KIAA1217: variants seen among roughly 807,000 people sequenced by gnomAD.
KIAA1217 encodes the protein KIAA1217, also known as sickle tail protein homolog.
KIAA1217 carries 88 observed loss-of-function variants against 163.9 expected under a neutral mutation model. That is an observed-to-expected ratio of 0.54 (90% CI 0.45 to 0.64). KIAA1217 has a LOEUF of 0.64. KIAA1217 is among the 30% of genes least tolerant of loss of function. The probability of loss-of-function intolerance (pLI) is 0.00; values close to 1 mark genes in which losing one functional copy is unlikely to be tolerated. For missense variants in KIAA1217, 2,372 were observed against 2,475.0 expected (o/e 0.96, Z 0.88); for synonymous variants, 903 against 923.1 (o/e 0.98, Z 0.39).
intron 2 of KIAA1217, among the ~76,000 whole-genome samples, chr10:24,007,959 G>T (rs1387666087): frequency 6.6e-6 from 1 of 152,190 alleles, no homozygotes; most frequent in Non-Finnish European, 1.5e-5. Context: ...CTGGAATGGT[G>T]AGATGACCAA....
At chr10:23,927,770 A>G (rs566757968) in intron 1 of KIAA1217, among the ~76,000 whole-genome samples, 20 of 152,298 alleles carry the variant, frequency 1.3e-4, no homozygotes, top group Middle Eastern at 3.4e-3. Context: ...ATTCCCATAT[A>G]AACAGATGTG....
At chr10:24,511,877 A>G in intron 9 of KIAA1217, among the ~76,000 whole-genome samples, 1 of 152,230 alleles carries the variant, frequency 6.6e-6, no homozygotes. Flanking sequence ...GTACGTGTTC[A>G]GGTTTAGATT....
chr10:24,194,448 A>C (rs1209668772), intron 2 of KIAA1217, among the ~76,000 whole-genome samples: 2 of 149,932 alleles, frequency 1.3e-5, no homozygotes, highest in Non-Finnish European at 3.0e-5. Flanking sequence ...TAGCCTCCTA[A>C]GTCACTGGGA....
At chr10:23,718,140 A>T (rs1205143190) in intron 1 of KIAA1217, among the ~76,000 whole-genome samples, 1 of 152,158 alleles carries the variant, frequency 6.6e-6, no homozygotes, top group Non-Finnish European at 1.5e-5. Flanking sequence ...CCAGTTCCAA[A>T]ACCAATGGCC....
At chr10:24,537,028 CAGGCAT>C in intron 17 of KIAA1217, 135 bp downstream of exon 17, 1 of 1,014,502 alleles carries the variant, frequency 9.9e-7, no homozygotes, top group Non-Finnish European at 1.4e-6. Flanking sequence ...AATGGAGACA[CAGGCAT>C]AGGTTAAAAT....
intron 1 of KIAA1217, among the ~76,000 whole-genome samples, chr10:23,852,839 T>C (rs1030702393): frequency 6.6e-6 from 1 of 152,210 alleles, no homozygotes; most frequent in Non-Finnish European, 1.5e-5. Context: ...TGTATAAGAA[T>C]GCTTGTGATT....
Position 23,715,482 on chromosome 10 carries a change from G to A in KIAA1217, c.-321+20248G>A, listed in dbSNP as rs554821781. On this transcript the variant is annotated intron_variant, in intron 1 of 18. Coordinates refer to the KIAA1217 transcript ENST00000376462. ...ATGTGATGTAAGTAAAACTTATTTT[G>A]GCTTATTACCTTTTTACTATTGAGT... Among the ~76,000 whole-genome samples, 10 of 152,200 alleles carry A rather than the reference G, an allele frequency of 6.6e-5. No individual in the cohort carries two copies. In the South Asian group the frequency reaches 2.1e-3, roughly 32 times the overall value.
intron 2 of KIAA1217, among the ~76,000 whole-genome samples, chr10:24,378,172 G>C (rs1301362826): frequency 1.3e-5 from 2 of 152,054 alleles, no homozygotes; most frequent in African/African-American, 2.4e-5. Context: ...TGTAGACATT[G>C]ACTAATAGAT....
At chr10:24,201,977 G>A (rs557533140) in intron 2 of KIAA1217, among the ~76,000 whole-genome samples, 65 of 152,250 alleles carry the variant, frequency 4.3e-4, no homozygotes, top group Admixed American at 2.5e-3. Flanking sequence ...GGTGTTCTGA[G>A]ACCCCCGAGG....
chr10:24,011,628 T>C (rs1368967531), intron 2 of KIAA1217, among the ~76,000 whole-genome samples: 3 of 152,184 alleles, frequency 2.0e-5, no homozygotes, highest in Non-Finnish European at 4.4e-5. Context: ...TGTGAGTTTC[T>C]CTTGAAGCAA....
chr10:24,544,619 C>T (rs769308644), intron 19 of KIAA1217, 138 bp downstream of exon 19: 73 of 1,003,500 alleles, frequency 7.3e-5, no homozygotes, highest in Non-Finnish European at 9.2e-5. Context: ...CGCCATGAAA[C>T]CCTTCTTTCA....
chr10:24,140,436 C>A (rs1033568462), intron 2 of KIAA1217, among the ~76,000 whole-genome samples: 9 of 151,936 alleles, frequency 5.9e-5, no homozygotes, highest in African/African-American at 1.9e-4. Flanking sequence ...TTTTCCTGCC[C>A]TTTAGGGCCA....
intron 1 of KIAA1217, among the ~76,000 whole-genome samples, chr10:23,818,187 G>A (rs1312609206): frequency 2.1e-5 from 3 of 141,186 alleles, no homozygotes; most frequent in Non-Finnish European, 4.6e-5. Flanking sequence ...CATCAATAAA[G>A]GTATTAGGTA....
intron 1 of KIAA1217, among the ~76,000 whole-genome samples, chr10:23,897,083 G>T (rs1387358275): frequency 6.6e-6 from 1 of 152,028 alleles, no homozygotes; most frequent in Non-Finnish European, 1.5e-5. Flanking sequence ...ATGAAGCTCT[G>T]CAAGCGTTCA....
At position 24,544,444 on chromosome 10, in the gene KIAA1217, T is replaced by C; in HGVS notation, c.5174T>C (p.Leu1725Pro). 5 of 1,613,994 alleles carry C rather than the reference T, an allele frequency of 3.1e-6. No homozygotes were observed. Among genetic ancestry groups the C allele is most frequent in the Non-Finnish European group, 4.2e-6 (5 of 1,179,926 alleles). The change falls in exon 19 of 21, where the codon CTA becomes CCA. Residue 1725 changes from leucine to proline, a missense_variant. This residue lies in a region of KIAA1217 where 690 missense variants were observed against 677.5 expected (regional missense o/e 1.02). Coordinates refer to ENST00000376454, the MANE Select transcript of KIAA1217 (RefSeq NM_019590.5). ...GTTCCGGATGAAGGTCCCACTGCCC[T>C]AGAGCCCCCTACGTCGATACCTTCA... ...LLVPDEGPTALEPPTSIPSAS... is the reference protein window; with the variant it reads ...LLVPDEGPTAPEPPTSIPSAS...
At chr10:24,169,742 CTCTTAGACAA>C (rs1212055995) in intron 2 of KIAA1217, among the ~76,000 whole-genome samples, 5 of 152,108 alleles carry the variant, frequency 3.3e-5, no homozygotes, top group Non-Finnish European at 7.4e-5. Flanking sequence ...AAGGGTGCTT[CTCTTAGACAA>C]AGATGAGCTC....
At chr10:24,457,350 G>A (rs2061901938) in intron 5 of KIAA1217, among the ~76,000 whole-genome samples, 1 of 151,686 alleles carries the variant, frequency 6.6e-6, no homozygotes, top group South Asian at 2.1e-4. Context: ...TGTTTTGTGT[G>A]TGTGTGTGTG....
chr10:23,876,511 A>G (rs1038818982), intron 1 of KIAA1217, among the ~76,000 whole-genome samples: 1 of 151,940 alleles, frequency 6.6e-6, no homozygotes, highest in African/African-American at 2.4e-5. Flanking sequence ...AAATAAAAAA[A>G]AAAGAAAATG....
chr10:24,159,710 G>A (rs1389954782), intron 2 of KIAA1217, among the ~76,000 whole-genome samples: 1 of 152,100 alleles, frequency 6.6e-6, no homozygotes, highest in East Asian at 1.9e-4. Flanking sequence ...GTGAATCCGG[G>A]AGGCAGAGCT....
Sources: allele counts gnomAD v4.1 joint callset (sites outside exome capture counted in the v4.1 genomes callset), GRCh38; gene constraint gnomAD v4.1.1; regional missense constraint gnomAD v4.1.1; transcripts MANE v1.5; gene names NCBI Gene and HGNC (gene_info 2026-07-23, HGNC 2026-07-21).